The following NPR3 variants were observed in gnomAD, a reference collection of about 807,000 sequenced individuals.
The protein encoded by NPR3 is natriuretic peptide receptor 3, also known as atrial natriuretic peptide receptor 3.
In NPR3, 34 loss-of-function variants were observed where a neutral mutation model predicts 54.5. That is an observed-to-expected ratio of 0.62 (90% CI 0.47 to 0.83). The LOEUF (loss-of-function observed/expected upper bound fraction) is 0.83, where lower values mean the gene tolerates loss of function less well. Among genes scored for constraint, NPR3 ranks in the 40% least tolerant of loss-of-function variants. The pLI, the probability that NPR3 is intolerant of heterozygous loss-of-function variation, is 0.00. For missense variants in NPR3, 674 were observed against 720.8 expected, an observed-to-expected ratio of 0.94 and a Z score of 0.74; for synonymous variants, 289 against 297.1, an observed-to-expected ratio of 0.97 and a Z score of 0.28.
At chr5:32,784,729 A>G in intron 6 of NPR3, 67 bp from the exon 7 acceptor site, 1 of 1,273,550 alleles carries the variant, frequency 7.9e-7, no homozygotes, top group Non-Finnish European at 1.1e-6. Context: ...CTTGCAATGA[A>G]TGAAACTCGA....
chr5:32,748,025 A>T (rs1409993453), intron 3 of NPR3, among the ~76,000 whole-genome samples: 1 of 152,148 alleles, frequency 6.6e-6, no homozygotes, highest in Non-Finnish European at 1.5e-5. Flanking sequence ...CAGTTCTGGG[A>T]TTACAGGTAT....
In NPR3 at chr5:32,783,160, G is replaced by A. The variant is rs148813073; in HGVS notation, c.1426+132G>A. On this transcript the variant is annotated intron_variant, in intron 6 of 7. Transcript: ENST00000265074. ...ATTTCTTTCTCTGATGTGGTAAAAC[G>A]CATGGGAACAGTTCACAAACTGGCA... 80 of 756,906 alleles carry A rather than the reference G, an allele frequency of 1.1e-4. 1 individual carries two copies. In the Middle Eastern group the frequency reaches 1.7e-3, roughly 16 times the overall value. 46.9% of individuals were successfully genotyped at this position (756,906 alleles called of 1,614,324 possible).
chr5:32,727,234 C>T (rs769652407), intron 2 of NPR3, among the ~76,000 whole-genome samples: 1 of 152,106 alleles, frequency 6.6e-6, no homozygotes, highest in Admixed American at 6.5e-5. Context: ...TCAAGTGATC[C>T]TTCTACCTCA....
intron 1 of NPR3, among the ~76,000 whole-genome samples, chr5:32,692,024 AAC>A (rs774525046): frequency 6.6e-6 from 1 of 152,234 alleles, no homozygotes; most frequent in Non-Finnish European, 1.5e-5. Context: ...GCATATATTA[AAC>A]ACATTAAGAA....
At chr5:32,748,662 A>ATTTTCAT (rs1740424352) in intron 3 of NPR3, among the ~76,000 whole-genome samples, 1 of 152,180 alleles carries the variant, frequency 6.6e-6, no homozygotes, top group African/African-American at 2.4e-5. Context: ...CTGACAGGGA[A>ATTTTCAT]AGGGACCTGG....
intron 3 of NPR3, among the ~76,000 whole-genome samples, chr5:32,774,044 C>T (rs892489127): frequency 6.6e-6 from 1 of 152,168 alleles, no homozygotes; most frequent in Non-Finnish European, 1.5e-5. Flanking sequence ...ACAGTCCAAG[C>T]CTGTTTTCCA....
intron 3 of NPR3, among the ~76,000 whole-genome samples, chr5:32,755,832 C>T (rs1190045654): frequency 2.0e-5 from 3 of 152,170 alleles, no homozygotes; most frequent in Non-Finnish European, 4.4e-5. Flanking sequence ...CAATTCCCAC[C>T]TATGAGTGAG....
At chr5:32,700,074 A>C (rs1182728531) in intron 1 of NPR3, among the ~76,000 whole-genome samples, 1 of 152,162 alleles carries the variant, frequency 6.6e-6, no homozygotes, top group Non-Finnish European at 1.5e-5. Flanking sequence ...GATATATTGG[A>C]GCTCCATTGT....
Position 32,781,868 on chromosome 5 carries a change from G to A in NPR3, c.1291-1025G>A, listed in dbSNP as rs548061263. Among the ~76,000 whole-genome samples, 15 of 152,292 alleles carry A rather than the reference G, an allele frequency of 9.8e-5. No individual in the cohort carries two copies. In the East Asian group the frequency reaches 1.9e-3, roughly 20 times the overall value. On this transcript the variant is annotated intron_variant, in intron 5 of 7. Coordinates refer to ENST00000265074, the MANE Select transcript of NPR3 (RefSeq NM_001204375.2). ...CCAGTGATTGTTATATTTTGGTGGC[G>A]ATCTAGACTTCCTCTAGACCTGACA...
intron 1 of NPR3, among the ~76,000 whole-genome samples, chr5:32,696,252 G>A (rs1740530024): frequency 1.3e-5 from 2 of 152,086 alleles, no homozygotes; most frequent in Non-Finnish European, 2.9e-5. Flanking sequence ...TATTGAAAAG[G>A]GTGTCCTTTC....
At chr5:32,710,858 G>GTTTTTTTTTTTTTTGTTTGTTT (rs1561072778), upstream of NPR3, 1 of 1,046,870 alleles carries the variant, frequency 9.6e-7, no homozygotes, top group African/African-American at 2.9e-5. Context: ...CCCCAGTCCT[G>GTTTTTTTTTTTTTTGTTTGTTT]GTTTTTTTTT....
chr5:32,708,802 C>T (rs113287768), upstream of NPR3, among the ~76,000 whole-genome samples: 12 of 152,204 alleles, frequency 7.9e-5, no homozygotes, highest in African/African-American at 2.4e-4. Flanking sequence ...GTGGGTCTTC[C>T]CATAATCTTG....
chr5:32,765,627 A>T (rs192185687), intron 3 of NPR3, among the ~76,000 whole-genome samples: 2 of 152,320 alleles, frequency 1.3e-5, no homozygotes, highest in East Asian at 3.9e-4. Context: ...AGATGCGCAA[A>T]AGTGCAAAAT....
rs191705249 is a variant in NPR3, at chr5:32,775,210, T to C, written c.1195+367T>C. Among the ~76,000 whole-genome samples the C allele has an allele frequency of 3.7e-4, 56 of 152,290 alleles. 1 individual carries two copies. The highest frequency in any genetic ancestry group is 2.1e-4 in the Non-Finnish European group (14 of 68,038). ...CATTCATGTGTTCAGACTATGTTGGTTTTTGTGAAACACAGAAAACATTAG... is the reference window on the plus strand; with the variant it reads ...CATTCATGTGTTCAGACTATGTTGGCTTTTGTGAAACACAGAAAACATTAG... On this transcript the variant is annotated intron_variant, in intron 4 of 7. Transcript: ENST00000265074.
chr5:32,697,436 G>C (rs1003823102), intron 1 of NPR3, among the ~76,000 whole-genome samples: 127 of 139,464 alleles, frequency 9.1e-4, no homozygotes, highest in African/African-American at 3.1e-3. Flanking sequence ...TTGGCCTGTA[G>C]TTTTCTTTCT....
chr5:32,695,395 G>A (rs1740499586), intron 1 of NPR3, among the ~76,000 whole-genome samples: 1 of 152,200 alleles, frequency 6.6e-6, no homozygotes, highest in South Asian at 2.1e-4. Context: ...CTCCGGACTA[G>A]CTGGGACTAC....
intron 1 of NPR3, among the ~76,000 whole-genome samples, chr5:32,693,266 ATC>A (rs771529657): frequency 1.3e-5 from 2 of 152,344 alleles, no homozygotes; most frequent in African/African-American, 4.8e-5. Flanking sequence ...ACTTTGAATT[ATC>A]TCTTTTTTCC....
rs70961659 is a variant in NPR3 at position 32,728,837 on chromosome 5, GTATATATATATATATATATATA to G, written c.892+4035_892+4056del. 4.9e-3 allele frequency among the ~76,000 whole-genome samples: 237 copies of G among 48,016 alleles called. 4 individuals carry two copies. Among genetic ancestry groups the G allele is most frequent in the Middle Eastern group, 0.017 (1 of 60 alleles). 31.5% of individuals were successfully genotyped at this position (48,016 alleles called of 152,430 possible). A position where few individuals can be genotyped will look rare whatever the true frequency, so the allele number is the denominator to read the frequency against. Reference sequence around the variant, plus strand: ...TATTTGTGTGTGTGTGTGTGTGTGTGTATATATATATATATATATATATATATATATATATATATGTAAAATG... The same window carrying G: ...TATTTGTGTGTGTGTGTGTGTGTGTGTATATATATATATATATGTAAAATG... On this transcript the variant is annotated intron_variant, in intron 2 of 7. Transcript: ENST00000265074.
At chr5:32,785,973 C>G (rs570483161) in intron 7 of NPR3, among the ~76,000 whole-genome samples, 86 of 152,322 alleles carry the variant, frequency 5.6e-4, no homozygotes, top group African/African-American at 2.0e-3. Context: ...GCCTAATAGA[C>G]AAGACCTAAC....
Sources: allele counts gnomAD v4.1 joint callset (sites outside exome capture counted in the v4.1 genomes callset), GRCh38; gene constraint gnomAD v4.1.1; transcripts MANE v1.5; gene names NCBI Gene and HGNC (gene_info 2026-07-23, HGNC 2026-07-21).